Variants in LINGO2 observed in about 807,000 individuals in gnomAD.
LINGO2 encodes the protein leucine-rich repeat and immunoglobulin-like domain-containing nogo receptor-interacting protein 2.
In LINGO2, 14 loss-of-function variants were observed where a neutral mutation model predicts 30.6. The ratio of observed to expected loss-of-function variants is 0.46; its 90% confidence interval spans 0.30 to 0.72. LINGO2 has a LOEUF of 0.72. Among genes scored for constraint, LINGO2 ranks in the 30% least tolerant of loss-of-function variants. The pLI is 0.07. For synonymous variants in LINGO2, 317 were observed against 288.5 expected (o/e 1.10, Z -1.00); for missense variants, 729 against 751.7 (o/e 0.97, Z 0.35).
At chr9:28,669,573 A>G (rs996505275) in intron 1 of LINGO2, among the ~76,000 whole-genome samples, 1 of 152,094 alleles carries the variant, frequency 6.6e-6, no homozygotes, top group Non-Finnish European at 1.5e-5. Context: ...AAAAACAAAA[A>G]TACCCATTGT....
intron 1 of LINGO2, among the ~76,000 whole-genome samples, chr9:28,590,335 C>T (rs915095823): frequency 6.6e-6 from 1 of 151,976 alleles, no homozygotes; most frequent in African/African-American, 2.4e-5. Context: ...AGCTTCTGCA[C>T]AGCAAAAGAA....
chr9:28,342,702 TCTC>T (rs775445728), intron 3 of LINGO2, among the ~76,000 whole-genome samples: 25 of 152,132 alleles, frequency 1.6e-4, no homozygotes, highest in Non-Finnish European at 2.9e-4. Flanking sequence ...GAAACTAACT[TCTC>T]CTAGAGGAGT....
At chr9:28,787,641 C>T in the LINGO2 span, among the ~76,000 whole-genome samples, 2 of 152,056 alleles carry the variant, frequency 1.3e-5, no homozygotes, top group African/African-American at 2.4e-5. Context: ...TAATCTGTTT[C>T]ACATTTAGAA....
At chr9:29,181,389 G>A in the LINGO2 span, among the ~76,000 whole-genome samples, 64 of 151,902 alleles carry the variant, frequency 4.2e-4, no homozygotes, top group African/African-American at 1.3e-3. Context: ...CATCACTTAC[G>A]TATCATCAAA....
chr9:28,537,944 A>T (rs558700269), intron 1 of LINGO2, among the ~76,000 whole-genome samples: 1 of 152,122 alleles, frequency 6.6e-6, no homozygotes, highest in Admixed American at 6.5e-5. Context: ...TCAAGAGAAA[A>T]AGTTGCCCTA....
At chr9:28,942,536 A>C in the LINGO2 span, among the ~76,000 whole-genome samples, 2 of 152,294 alleles carry the variant, frequency 1.3e-5, no homozygotes, top group East Asian at 3.9e-4. Flanking sequence ...TAGCTGTGAC[A>C]TTTCAGAAAA....
At chr9:28,942,637 C>T in the LINGO2 span, among the ~76,000 whole-genome samples, 1 of 152,182 alleles carries the variant, frequency 6.6e-6, no homozygotes, top group African/African-American at 2.4e-5. Context: ...TTTGCCATTT[C>T]TCTCCTTCCA....
At chr9:28,120,852 A>G (rs1426442589) in intron 4 of LINGO2, among the ~76,000 whole-genome samples, 2 of 152,192 alleles carry the variant, frequency 1.3e-5, no homozygotes, top group Non-Finnish European at 2.9e-5. Context: ...CTTTTGTGGT[A>G]TTGCTTAATA....
intron 2 of LINGO2, among the ~76,000 whole-genome samples, chr9:28,402,050 A>G (rs1469947074): frequency 6.6e-6 from 1 of 152,148 alleles, no homozygotes; most frequent in East Asian, 1.9e-4. Flanking sequence ...TTTATAAGGA[A>G]AGACTAGCTT....
At chr9:28,624,565 G>A (rs1184521451) in intron 1 of LINGO2, among the ~76,000 whole-genome samples, 3 of 151,246 alleles carry the variant, frequency 2.0e-5, no homozygotes, top group Non-Finnish European at 4.4e-5. Context: ...GTTGAATTTG[G>A]TTTGCTTAGT....
chr9:28,632,070 C>G (rs1269398152), intron 1 of LINGO2, among the ~76,000 whole-genome samples: 1 of 152,060 alleles, frequency 6.6e-6, no homozygotes, highest in African/African-American at 2.4e-5. Context: ...AAATGGCTAT[C>G]TTTAGAGATA....
the LINGO2 span, among the ~76,000 whole-genome samples, chr9:29,188,246 T>A: frequency 2.2e-3 from 341 of 151,876 alleles, no homozygotes; most frequent in African/African-American, 7.6e-3. Context: ...CCTTCAAGCA[T>A]CTGTTTAACA....
At chr9:28,107,071 G>C (rs532852292) in intron 4 of LINGO2, among the ~76,000 whole-genome samples, 1 of 151,960 alleles carries the variant, frequency 6.6e-6, no homozygotes, top group East Asian at 1.9e-4. Flanking sequence ...TTTGTTTTTC[G>C]GATCTCACTT....
chr9:28,632,889 G>T lies in LINGO2; in HGVS notation c.-365+37311C>A, dbSNP rs868519170. The stretch of plus-strand genomic sequence containing the variant: ...ATATATATATATATATGTAGAGAGA[G>T]AGAGAGAGAGAGAGAGAGAGAGAGG... On this transcript the variant is annotated intron_variant, in intron 1 of 5. Transcript: ENST00000379992. 2.0e-3 allele frequency among the ~76,000 whole-genome samples: 247 copies of T among 122,164 alleles called. 3 individuals carry two copies. Among genetic ancestry groups the T allele is most frequent in the Middle Eastern group, 8.3e-3 (2 of 240 alleles). The allele number at this position is 122,164 out of a possible 152,430, so 80.1% of individuals were successfully genotyped here. A position where few individuals can be genotyped will look rare whatever the true frequency, so the allele number is the denominator to read the frequency against.
chr9:28,042,855 C>T (rs983135888), intron 4 of LINGO2, among the ~76,000 whole-genome samples: 1 of 152,062 alleles, frequency 6.6e-6, no homozygotes. Context: ...TGATTAATAT[C>T]GAGAGTGAAA....
chr9:28,589,081 C>T (rs1437630424), intron 1 of LINGO2, among the ~76,000 whole-genome samples: 1 of 152,088 alleles, frequency 6.6e-6, no homozygotes, highest in African/African-American at 2.4e-5. Flanking sequence ...GCAGAAAAGG[C>T]CTTTGAGAAA....
chr9:29,084,752 G>T, the LINGO2 span, among the ~76,000 whole-genome samples: 1 of 151,784 alleles, frequency 6.6e-6, no homozygotes, highest in East Asian at 1.9e-4. Flanking sequence ...CCTCTCTTCT[G>T]TAATACTCAC....
intron 4 of LINGO2, among the ~76,000 whole-genome samples, chr9:28,233,062 T>TATATATATATATA (rs1564063017): frequency 6.6e-5 from 3 of 45,428 alleles, no homozygotes; most frequent in African/African-American, 5.2e-4. Flanking sequence ...ATATATATAT[T>TATATATATATATA]AGATATATAA....
At chr9:28,029,060 A>G (rs951516105) in intron 4 of LINGO2, among the ~76,000 whole-genome samples, 4 of 152,176 alleles carry the variant, frequency 2.6e-5, no homozygotes, top group African/African-American at 9.7e-5. Context: ...TGAGTATATA[A>G]AAGACCATCT....
Sources: gnomAD v4.1 joint callset for allele counts (sites outside exome capture counted in the v4.1 genomes callset) on GRCh38, gnomAD v4.1.1 for gene constraint, MANE v1.5 for transcripts, NCBI Gene and HGNC (gene_info 2026-07-23, HGNC 2026-07-21) for gene names.